The following PRDM15 variants were observed in gnomAD, a reference collection of about 807,000 sequenced individuals.
The protein encoded by PRDM15 is PR/SET domain 15, also known as PR domain zinc finger protein 15.
PRDM15 carries 64 observed loss-of-function variants against 128.6 expected under a neutral mutation model. The ratio of observed to expected loss-of-function variants is 0.50; its 90% confidence interval spans 0.41 to 0.61. The LOEUF (loss-of-function observed/expected upper bound fraction) is 0.61. Among genes scored for constraint, PRDM15 ranks in the 20% least tolerant of loss-of-function variants. The pLI is 0.00. For missense variants in PRDM15, 1,242 were observed against 1,569.1 expected (o/e 0.79, Z 3.52); for synonymous variants, 615 against 621.8 (o/e 0.99, Z 0.16).
At position 41,806,717 on chromosome 21, in the gene PRDM15, TCAC is replaced by T. The variant is rs1291496124; in HGVS notation, c.2653-2106_2653-2104del. On this transcript the variant is annotated intron_variant, in intron 21 of 23. Coordinates refer to ENST00000398548, the MANE Select transcript of PRDM15 (RefSeq NM_001040424.3). ...CCACCACCCATCACTACCACCAACA[TCAC>T]CACCATCACCATCACCATACCACCA... Among the ~76,000 whole-genome samples, 11 of 58,350 alleles carry T rather than the reference TCAC, an allele frequency of 1.9e-4. 1 individual carries two copies. Among genetic ancestry groups the T allele is most frequent in the South Asian group, 1.5e-3 (2 of 1,344 alleles). 38.3% of individuals were successfully genotyped at this position (58,350 alleles called of 152,430 possible). A position where few individuals can be genotyped will look rare whatever the true frequency, so the allele number is the denominator to read the frequency against.
At chr21:41,834,506 T>G in intron 11 of PRDM15, 1 of 1,550,224 alleles carries the variant, frequency 6.5e-7, no homozygotes, top group Non-Finnish European at 8.7e-7. Flanking sequence ...AAGGCTAACC[T>G]GGTAGGTCTC....
At chr21:41,823,480 T>C (rs2062358448) in intron 13 of PRDM15, 31 bp from the exon 14 acceptor site, 4 of 1,541,572 alleles carry the variant, frequency 2.6e-6, no homozygotes, top group Non-Finnish European at 3.5e-6. Flanking sequence ...GGTGAGGGGC[T>C]GCGGCGTCTC....
chr21:41,860,310 G>C lies in PRDM15; in HGVS notation c.37+17C>G, dbSNP rs763891895. 1.2e-6 allele frequency: 2 copies of C among 1,611,472 alleles called. No homozygotes were observed. Among genetic ancestry groups the C allele is most frequent in the Non-Finnish European group, 1.7e-6 (2 of 1,177,602 alleles). ...AGGGCTGGTCTCGGACCTGGGACAG[G>C]TCCCTGGGTCACTTACAGATGAACA... On this transcript the variant is annotated intron_variant, in intron 2 of 23. Transcript: ENST00000398548.
rs1177317509 is a variant in PRDM15, at chr21:41,820,668, CTT to C, written c.2060+397_2060+398del. 2.0e-5 allele frequency among the ~76,000 whole-genome samples: 3 copies of C among 152,210 alleles called. No homozygotes were observed. In the East Asian group the frequency reaches 5.8e-4, roughly 29 times the overall value. ...TGTTTAGGCTGTGCCGGCTGTGGTT[CTT>C]TGTTAGCGCCCCTGCACGGGACTGT... On this transcript the variant is annotated intron_variant, in intron 16 of 23. Transcript: ENST00000398548.
chr21:41,806,009 C>G (rs868798364), intron 21 of PRDM15, among the ~76,000 whole-genome samples: 1 of 55,708 alleles, frequency 1.8e-5, no homozygotes, highest in Non-Finnish European at 4.0e-5. Flanking sequence ...ACCACCATCA[C>G]CACCACCATC....
At chr21:41,805,470 A>C (rs1341485594) in intron 21 of PRDM15, among the ~76,000 whole-genome samples, 1 of 152,192 alleles carries the variant, frequency 6.6e-6, no homozygotes, top group Non-Finnish European at 1.5e-5. Flanking sequence ...CATTTAAAAA[A>C]GGAGAGAAGT....
At position 41,828,042 on chromosome 21, in the gene PRDM15, CAGGCAAAGG is replaced by C. The variant is rs1212581849; in HGVS notation, c.1534+115_1534+123del. ...GAGCCCATCGGATGGCGGGCGTTTC[CAGGCAAAGG>C]AGCAGGCGGCACCGAACTGCTCCCC... is the stretch of plus-strand genomic sequence containing the variant. On this transcript the variant is annotated intron_variant, in intron 12 of 23. Transcript: ENST00000398548. The surrounding 1 kb of genome is among the most constrained non-coding windows in gnomAD (Gnocchi z 5.7). The C allele has an allele frequency of 2.1e-6, 2 of 959,328 alleles. No homozygotes were observed. Among genetic ancestry groups the C allele is most frequent in the African/African-American group, 3.3e-5 (2 of 61,516 alleles). The allele number at this position is 959,328 out of a possible 1,614,324, so 59.4% of individuals were successfully genotyped here.
intron 1 of PRDM15, among the ~76,000 whole-genome samples, chr21:41,868,694 C>CTTTTTTTTTTTTTT (rs55653735): frequency 1.2e-4 from 15 of 125,168 alleles, no homozygotes; most frequent in East Asian, 2.3e-4. Flanking sequence ...TTTTCTTTTT[C>CTTTTTTTTTTTTTT]TTTTTTTTTT....
In PRDM15 at chr21:41,862,327, G is replaced by A. The variant is rs9983386; in HGVS notation, c.-9-1955C>T. 0.072 allele frequency among the ~76,000 whole-genome samples: 10,948 copies of A among 152,230 alleles called. 560 individuals are homozygous for A. Among genetic ancestry groups the A allele is most frequent in the Admixed American group, 0.15 (2,236 of 15,282 alleles). Reference sequence around the variant, plus strand: ...AATCGGAGTGGGAGGATGGAAGGAAGTCGTCCTGGCCTTGCTTACTTGGGA... The same window carrying A: ...AATCGGAGTGGGAGGATGGAAGGAAATCGTCCTGGCCTTGCTTACTTGGGA... On this transcript the variant is annotated intron_variant, in intron 1 of 23. Transcript: ENST00000398548. The surrounding 1 kb of genome is among the most constrained non-coding windows in gnomAD (Gnocchi z 4.1).
intron 13 of PRDM15, among the ~76,000 whole-genome samples, chr21:41,823,822 G>A (rs1017101531): frequency 2.6e-5 from 4 of 152,198 alleles, no homozygotes; most frequent in Admixed American, 6.5e-5. Flanking sequence ...TATCAAAAAA[G>A]AAAGCTAGTT....
intron 1 of PRDM15, chr21:41,861,751 T>A (rs2145924635): frequency 1.2e-6 from 2 of 1,613,542 alleles, no homozygotes; most frequent in East Asian, 4.5e-5. Flanking sequence ...AACTTGTGTG[T>A]CTGAGAGCAG....
chr21:41,847,061 A>C, intron 6 of PRDM15, 29 bp downstream of exon 6: 1 of 1,436,068 alleles, frequency 7.0e-7, no homozygotes, highest in East Asian at 2.5e-5. Context: ...GGAGTTTTAC[A>C]ACTGGGGCTC....
At position 41,862,443 on chromosome 21, in the gene PRDM15, C is replaced by G. The variant is rs1002912256; in HGVS notation, c.-9-2071G>C. Among the ~76,000 whole-genome samples, 2 of 152,176 alleles carry G rather than the reference C, an allele frequency of 1.3e-5. No homozygotes were observed. The highest frequency in any genetic ancestry group is 4.8e-5 in the African/African-American group (2 of 41,434). ...TACACCTCTCACAGACTGCCCACCC[C>G]TTCTAGGTGCCCCCAAAAAAGGTCC... On this transcript the variant is annotated intron_variant, in intron 1 of 23. Coordinates refer to ENST00000398548, the MANE Select transcript of PRDM15 (RefSeq NM_001040424.3). The surrounding 1 kb of genome is among the most constrained non-coding windows in gnomAD (Gnocchi z 4.1).
chr21:41,821,911 G>A lies in PRDM15; in HGVS notation c.1888C>T (p.Arg630Trp), dbSNP rs927132818. The A allele has an allele frequency of 2.5e-6, 4 of 1,614,032 alleles. No homozygotes were observed. The highest frequency in any genetic ancestry group is 3.4e-6 in the Non-Finnish European group (4 of 1,180,044). ...DSEPHKYSCK[R>W]CQLTFGRGKE... is the part of the protein sequence containing the mutation. Reference sequence around the variant, plus strand: ...GGGCAAACCCGCCATACCTGGCACCGCTTGCAGCTGTACTTGTGAGGCTCC... The same window carrying A: ...GGGCAAACCCGCCATACCTGGCACCACTTGCAGCTGTACTTGTGAGGCTCC... The change falls in exon 15 of 24, where the codon CGG (arginine) becomes TGG (tryptophan). Residue 630 changes from arginine (R) to tryptophan (W), a missense_variant. Coordinates refer to ENST00000398548, the MANE Select transcript of PRDM15 (RefSeq NM_001040424.3). This position sits in a 1 kb window ranked among gnomAD's most constrained non-coding sequence, Gnocchi z 5.4.
intron 1 of PRDM15, chr21:41,867,440 T>C (rs2064051331): frequency 1.6e-6 from 2 of 1,251,956 alleles, no homozygotes; most frequent in South Asian, 1.2e-5. Context: ...AGGTGAAACA[T>C]ACATGTTGAA....
intron 5 of PRDM15, among the ~76,000 whole-genome samples, chr21:41,848,312 C>CACAGGT: frequency 1.3e-5 from 2 of 152,100 alleles, no homozygotes; most frequent in Non-Finnish European, 2.9e-5. Flanking sequence ...CCTGTGCATG[C>CACAGGT]ATGTTCTGAG....
rs370070911 is a variant in PRDM15, at chr21:41,820,214, G to C, written c.2061-40C>G. On this transcript the variant is annotated intron_variant, in intron 16 of 23. Coordinates refer to ENST00000398548, the MANE Select transcript of PRDM15 (RefSeq NM_001040424.3). ...AAGCTCAGGATGGCCGCACAGCCTC[G>C]GGGCTCCACGGCAGCGAGGGCACTT... The C allele has an allele frequency of 2.3e-5, 36 of 1,552,270 alleles. No homozygotes were observed. In the African/African-American group the frequency reaches 3.8e-4, roughly 16 times the overall value.
chr21:41,806,546 A>C (rs1242592664), intron 21 of PRDM15, among the ~76,000 whole-genome samples: 15 of 6,052 alleles, frequency 2.5e-3, no homozygotes, highest in Non-Finnish European at 4.5e-3. Flanking sequence ...ACTACCACCA[A>C]CATCACCACC....
chr21:41,810,072 G>GT lies in PRDM15; in HGVS notation c.2652+81_2652+82insA. The GT allele has an allele frequency of 7.2e-7, 1 of 1,394,586 alleles. No individual in the cohort carries two copies. Among genetic ancestry groups the GT allele is most frequent in the Non-Finnish European group, 9.8e-7 (1 of 1,017,964 alleles). The allele number at this position is 1,394,586 out of a possible 1,614,324, so 86.4% of individuals were successfully genotyped here. A position where few individuals can be genotyped will look rare whatever the true frequency, so the allele number is the denominator to read the frequency against. On this transcript the variant is annotated intron_variant, in intron 21 of 23. Transcript: ENST00000398548. This position sits in a 1 kb window ranked among gnomAD's most constrained non-coding sequence, Gnocchi z 6.4. The stretch of plus-strand genomic sequence containing the variant: ...CTCCAGTACTGGGGGTCTGCAGAGG[G>GT]AGGTGGGCCATGTGCCAGCATGGGG...
Sources: gnomAD v4.1 joint callset for allele counts (sites outside exome capture counted in the v4.1 genomes callset) on GRCh38, gnomAD v4.1.1 for gene constraint, Gnocchi (gnomAD v3.1) non-coding constraint, MANE v1.5 for transcripts, NCBI Gene and HGNC (gene_info 2026-07-23, HGNC 2026-07-21) for gene names.